CFAP299: variants seen among roughly 807,000 people sequenced by gnomAD.
The protein encoded by CFAP299 is cilia and flagella associated protein 299.
In CFAP299, 21 loss-of-function variants were observed where a neutral mutation model predicts 27.0. That is an observed-to-expected ratio of 0.78 (90% CI 0.55 to 1.12). The LOEUF (loss-of-function observed/expected upper bound fraction) is 1.12, where lower values mean the gene tolerates loss of function less well. Ranked by LOEUF, CFAP299 falls within the 50% of genes most tolerant of loss-of-function variation. CFAP299 has a pLI of 0.00. For missense variants in CFAP299, 310 were observed against 276.6 expected (o/e 1.12, Z -0.86); for synonymous variants, 104 against 98.1 (o/e 1.06, Z -0.36).
chr4:80,844,268 T>C lies in CFAP299; in HGVS notation c.334-25725T>C, dbSNP rs185648750. 1.6e-3 allele frequency among the ~76,000 whole-genome samples: 250 copies of C among 152,122 alleles called. 1 individual carries two copies. The highest frequency in any genetic ancestry group is 2.5e-3 in the Non-Finnish European group (169 of 67,958). ...ATTTATAGTCCTTTGGGTATATACC[T>C]AGTAATGGGATGGCTGGGTCAAATG... On this transcript the variant is annotated intron_variant, in intron 3 of 5. Coordinates refer to ENST00000358105, the MANE Select transcript of CFAP299 (RefSeq NM_152770.3).
chr4:80,539,805 A>G (rs1357821733), intron 2 of CFAP299, among the ~76,000 whole-genome samples: 1 of 152,192 alleles, frequency 6.6e-6, no homozygotes, highest in African/African-American at 2.4e-5. Flanking sequence ...AATAAAGGTT[A>G]TTCTCCTAGC....
chr4:80,844,634 A>C (rs1474416270), intron 3 of CFAP299, among the ~76,000 whole-genome samples: 1 of 151,822 alleles, frequency 6.6e-6, no homozygotes, highest in Admixed American at 6.6e-5. Context: ...GTTTGAGTTC[A>C]TTGTAGATTC....
intron 3 of CFAP299, among the ~76,000 whole-genome samples, chr4:80,778,366 C>T (rs1726672009): frequency 6.6e-6 from 1 of 152,080 alleles, no homozygotes; most frequent in African/African-American, 2.4e-5. Context: ...GTGGTACTGC[C>T]TCTGATGGAG....
At chr4:80,395,369 G>T (rs1030421633) in intron 2 of CFAP299, among the ~76,000 whole-genome samples, 58 of 151,946 alleles carry the variant, frequency 3.8e-4, no homozygotes, top group Non-Finnish European at 2.1e-4. Context: ...TTTTCTGATT[G>T]AATGTCTTTT....
At chr4:80,892,211 A>T (rs1385451212) in intron 4 of CFAP299, among the ~76,000 whole-genome samples, 4 of 152,116 alleles carry the variant, frequency 2.6e-5, no homozygotes, top group African/African-American at 4.8e-5. Context: ...CCCCACACCT[A>T]CAGGGAACTC....
the CFAP299 span, among the ~76,000 whole-genome samples, chr4:80,328,779 G>C: frequency 6.6e-6 from 1 of 152,082 alleles, no homozygotes; most frequent in Non-Finnish European, 1.5e-5. Context: ...AATCTGAACA[G>C]TTATTGAAAG....
intron 2 of CFAP299, among the ~76,000 whole-genome samples, chr4:80,506,569 C>G (rs913053961): frequency 2.6e-5 from 4 of 152,134 alleles, no homozygotes; most frequent in Non-Finnish European, 5.9e-5. Context: ...ATTTTTCTGT[C>G]ATTTTAATTA....
chr4:80,493,869 G>A (rs6848745), intron 2 of CFAP299, among the ~76,000 whole-genome samples: 30,962 of 141,410 alleles, frequency 0.22, 4,618 homozygotes, highest in African/African-American at 0.42. Flanking sequence ...TCCGCTTCCC[G>A]GGTTCACGCC....
At chr4:80,893,338 A>G (rs1005908510) in intron 4 of CFAP299, among the ~76,000 whole-genome samples, 1 of 151,906 alleles carries the variant, frequency 6.6e-6, no homozygotes, top group African/African-American at 2.4e-5. Context: ...CAATATCCTC[A>G]TTCCAATAAT....
intron 5 of CFAP299, among the ~76,000 whole-genome samples, chr4:80,947,284 G>A (rs1737524933): frequency 6.6e-6 from 1 of 152,056 alleles, no homozygotes; most frequent in African/African-American, 2.4e-5. Flanking sequence ...AGAATTATTA[G>A]GCGAGACATA....
intron 3 of CFAP299, among the ~76,000 whole-genome samples, chr4:80,584,178 G>A (rs909234975): frequency 4.6e-5 from 7 of 152,034 alleles, no homozygotes; most frequent in African/African-American, 1.7e-4. Context: ...ACTTTGGACA[G>A]CTTTAGTAAT....
intron 2 of CFAP299, among the ~76,000 whole-genome samples, chr4:80,449,401 C>G (rs1728789673): frequency 6.6e-6 from 1 of 151,662 alleles, no homozygotes; most frequent in Admixed American, 6.6e-5. Context: ...TTATCTCAAC[C>G]TTCATTCTAT....
intron 3 of CFAP299, among the ~76,000 whole-genome samples, chr4:80,706,583 T>C (rs1296221905): frequency 6.6e-6 from 1 of 151,934 alleles, no homozygotes; most frequent in African/African-American, 2.4e-5. Flanking sequence ...ATTATTAAAA[T>C]TTTGTAGATA....
At chr4:80,953,138 C>A (rs567426930) in intron 5 of CFAP299, among the ~76,000 whole-genome samples, 40 of 152,280 alleles carry the variant, frequency 2.6e-4, no homozygotes, top group Non-Finnish European at 4.6e-4. Context: ...GCTTCCGCAA[C>A]GTCTCAGAAA....
At chr4:80,837,969 G>A (rs1730658965) in intron 3 of CFAP299, among the ~76,000 whole-genome samples, 1 of 152,086 alleles carries the variant, frequency 6.6e-6, no homozygotes, top group African/African-American at 2.4e-5. Flanking sequence ...CATTCTAACT[G>A]GCATAAAATG....
At chr4:80,554,257 A>G (rs1455633531) in intron 2 of CFAP299, among the ~76,000 whole-genome samples, 1 of 151,966 alleles carries the variant, frequency 6.6e-6, no homozygotes, top group East Asian at 1.9e-4. Flanking sequence ...TCTTTTCCCC[A>G]TTGCTTATTT....
At position 80,394,405 on chromosome 4, in the gene CFAP299, GTTT is replaced by G. The variant is rs749367759; in HGVS notation, c.242+31533_242+31535del. Among the ~76,000 whole-genome samples the G allele has an allele frequency of 2.5e-3, 351 of 141,098 alleles. 2 individuals carry two copies. The highest frequency in any genetic ancestry group is 8.2e-3 in the African/African-American group (319 of 38,868). The allele number at this position is 141,098 out of a possible 152,430, so 92.6% of individuals were successfully genotyped here. The stretch of plus-strand genomic sequence containing the variant: ...GTAGGTTGTTCCTTGGCTGTACACA[GTTT>G]TTTTTTTTTTTAAATTAGATGCAGT... On this transcript the variant is annotated intron_variant, in intron 2 of 5. Transcript: ENST00000358105.
chr4:80,679,676 G>T (rs1203569992), intron 3 of CFAP299, among the ~76,000 whole-genome samples: 4 of 149,346 alleles, frequency 2.7e-5, no homozygotes, highest in African/African-American at 9.8e-5. Flanking sequence ...AGCAAATTTT[G>T]TAAAAAAATT....
At chr4:80,859,377 G>A (rs867101631) in intron 3 of CFAP299, among the ~76,000 whole-genome samples, 19 of 152,090 alleles carry the variant, frequency 1.2e-4, no homozygotes, top group Middle Eastern at 3.2e-3. Flanking sequence ...TTGCCAGTCT[G>A]TGTCTTTTAA....
Sources: allele counts gnomAD v4.1 joint callset (sites outside exome capture counted in the v4.1 genomes callset), GRCh38; gene constraint gnomAD v4.1.1; transcripts MANE v1.5; gene names NCBI Gene and HGNC (gene_info 2026-07-23, HGNC 2026-07-21).